METTL21A: variants seen among roughly 807,000 people sequenced by gnomAD.
METTL21A encodes the protein methyltransferase 21A, HSPA lysine.
Under a neutral mutation model 20.9 loss-of-function variants are expected in METTL21A, and 22 were observed. That is an observed-to-expected ratio of 1.05 (90% confidence interval 0.75 to 1.50). METTL21A has a LOEUF of 1.50. Ranked by LOEUF, METTL21A falls within the 40% of genes most tolerant of loss-of-function variation. The pLI is 0.00. For missense variants in METTL21A, 271 were observed against 266.8 expected (o/e 1.02, Z -0.11); for synonymous variants, 93 against 102.0 (o/e 0.91, Z 0.53).
chr2:207,600,238 C>T (rs375493613), intron 3 of METTL21A: 3 of 145,690 alleles, frequency 2.1e-5, no homozygotes, highest in African/African-American at 2.6e-5. Context: ...TATATGTGTA[C>T]ATATATATAT....
chr2:207,624,928 G>C (rs970039300), intron 1 of METTL21A, 134 bp downstream of exon 1: 2 of 152,278 alleles, frequency 1.3e-5, no homozygotes, highest in African/African-American at 2.4e-5. Flanking sequence ...TGATAAACCA[G>C]AAATACATGG....
chr2:207,600,350 A>C (rs2086850153), intron 3 of METTL21A: 1 of 184,540 alleles, frequency 5.4e-6, no homozygotes, highest in Non-Finnish European at 1.1e-5. Context: ...GAAATTTTAC[A>C]TTTTTGTGTG....
At chr2:207,603,290 A>G (rs2087431552) in intron 3 of METTL21A, 1 of 222,442 alleles carries the variant, frequency 4.5e-6, no homozygotes, top group Middle Eastern at 1.4e-3. Flanking sequence ...GTTGCTTTGT[A>G]TATTAAAGTG....
chr2:207,623,993 G>A (rs948900891), intron 2 of METTL21A, among the ~76,000 whole-genome samples: 3 of 152,144 alleles, frequency 2.0e-5, no homozygotes, highest in African/African-American at 7.2e-5. Flanking sequence ...GAGTGACTAA[G>A]GGATACGGGT....
At chr2:207,586,332 TTCAA>T (rs2083834978) in intron 3 of METTL21A, among the ~76,000 whole-genome samples, 1 of 152,176 alleles carries the variant, frequency 6.6e-6, no homozygotes, top group African/African-American at 2.4e-5. Flanking sequence ...GGACACTCTC[TTCAA>T]TCAATGGTAT....
downstream of METTL21A, chr2:207,612,733 C>T (rs947787300): frequency 6.4e-5 from 14 of 217,390 alleles, no homozygotes; most frequent in Non-Finnish European, 1.2e-4. Context: ...TTCTTTATAC[C>T]GGCCCTTCAT....
intron 3 of METTL21A, among the ~76,000 whole-genome samples, chr2:207,592,911 C>CAAAAAAGAAAAAGAAAAAGAA (rs146008919): frequency 6.9e-6 from 1 of 145,122 alleles, no homozygotes; most frequent in African/African-American, 2.6e-5. Flanking sequence ...GACTCCATCT[C>CAAAAAAGAAAAAGAAAAAGAA]AAAAAAGAAA....
chr2:207,594,819 C>T (rs1477858920), intron 3 of METTL21A, among the ~76,000 whole-genome samples: 1 of 152,028 alleles, frequency 6.6e-6, no homozygotes. Context: ...GCAGCTGCAC[C>T]ATTTTACATT....
chr2:207,620,769 G>T, intron 3 of METTL21A: 1 of 1,388,920 alleles, frequency 7.2e-7, no homozygotes, highest in Non-Finnish European at 9.6e-7. Flanking sequence ...CATGCTCCCT[G>T]TCGAATTTTG....
intron 3 of METTL21A, chr2:207,597,706 C>T (rs762351363): frequency 4.8e-6 from 1 of 206,416 alleles, no homozygotes; most frequent in Non-Finnish European, 9.9e-6. Flanking sequence ...ACTAATACAG[C>T]TCTTCCATAG....
chr2:207,591,518 C>CA (rs2085023710), intron 3 of METTL21A, among the ~76,000 whole-genome samples: 1 of 152,262 alleles, frequency 6.6e-6, no homozygotes, highest in African/African-American at 2.4e-5. Flanking sequence ...CTGCAACCTC[C>CA]ACCTCCCTGA....
chr2:207,598,897 T>G (rs1048874847), intron 3 of METTL21A: 1 of 178,580 alleles, frequency 5.6e-6, no homozygotes, highest in African/African-American at 2.4e-5. Flanking sequence ...AAAAAAGAGT[T>G]GAGACACTTA....
chr2:207,596,212 G>T (rs1354373870), intron 3 of METTL21A, among the ~76,000 whole-genome samples: 1 of 152,118 alleles, frequency 6.6e-6, no homozygotes, highest in East Asian at 1.9e-4. Context: ...AGCACCATTT[G>T]TTGAAGAGAC....
At chr2:207,604,170 G>C (rs1200445057), downstream of METTL21A, among the ~76,000 whole-genome samples, 1 of 152,206 alleles carries the variant, frequency 6.6e-6, no homozygotes, top group African/African-American at 2.4e-5. Context: ...TTCAGGAAAA[G>C]ATTGCCCATC....
intron 3 of METTL21A, among the ~76,000 whole-genome samples, chr2:207,619,610 A>G (rs1013267648): frequency 2.0e-5 from 3 of 152,234 alleles, no homozygotes; most frequent in Admixed American, 6.5e-5. Flanking sequence ...ACACATACGC[A>G]GACATATATA....
At chr2:207,617,753 G>A (rs1249872315) in intron 3 of METTL21A, among the ~76,000 whole-genome samples, 1 of 152,226 alleles carries the variant, frequency 6.6e-6, no homozygotes, top group Non-Finnish European at 1.5e-5. Context: ...GTGGAAGAGT[G>A]ATGTGATCAT....
At chr2:207,620,811 T>C in intron 3 of METTL21A, 1 of 903,356 alleles carries the variant, frequency 1.1e-6, no homozygotes, top group Non-Finnish European at 1.6e-6. Context: ...AAAGAAATAG[T>C]GAAAAAGTAT....
chr2:207,600,672 A>G (rs555827057), intron 3 of METTL21A: 3 of 211,106 alleles, frequency 1.4e-5, no homozygotes, highest in South Asian at 1.9e-4. Context: ...TTTGTCAGAA[A>G]ATGTGTTTTG....
intron 3 of METTL21A, among the ~76,000 whole-genome samples, chr2:207,587,454 T>C (rs1362568729): frequency 6.6e-6 from 1 of 151,466 alleles, no homozygotes; most frequent in Non-Finnish European, 1.5e-5. Flanking sequence ...CTATATGATC[T>C]AGCAATCCTA....
Sources: gnomAD v4.1 joint callset for allele counts (sites outside exome capture counted in the v4.1 genomes callset) on GRCh38, gnomAD v4.1.1 for gene constraint, MANE v1.5 for transcripts, NCBI Gene and HGNC (gene_info 2026-07-23, HGNC 2026-07-21) for gene names.